The following CRAMP1 variants were observed in gnomAD, a reference collection of about 807,000 sequenced individuals.
CRAMP1 encodes cramped chromatin regulator 1.
Under a neutral mutation model 115.4 loss-of-function variants are expected in CRAMP1, and 50 were observed. The observed-to-expected ratio is 0.43, with a 90% confidence interval of 0.35 to 0.55. The LOEUF is 0.55. Among genes scored for constraint, CRAMP1 ranks in the 20% least tolerant of loss-of-function variants. CRAMP1 has a pLI of 0.01. For synonymous variants in CRAMP1, 866 were observed against 745.4 expected, an observed-to-expected ratio of 1.16 and a Z score of -2.64; for missense variants, 1,679 against 1,721.7, an observed-to-expected ratio of 0.98 and a Z score of 0.44.
At chr16:1,655,011 C>T (rs1045355936) in intron 8 of CRAMP1, among the ~76,000 whole-genome samples, 3 of 152,246 alleles carry the variant, frequency 2.0e-5, no homozygotes, top group African/African-American at 7.2e-5. Flanking sequence ...TTTTCTTTAG[C>T]TCTGTGTGAA....
intron 1 of CRAMP1, among the ~76,000 whole-genome samples, chr16:1,613,167 G>T (rs1567443532): frequency 6.6e-6 from 1 of 152,160 alleles, no homozygotes; most frequent in Non-Finnish European, 1.5e-5. Flanking sequence ...GGTTGAGGGG[G>T]AAGAGTGGGA....
intron 8 of CRAMP1, among the ~76,000 whole-genome samples, chr16:1,654,520 C>T (rs889537768): frequency 1.3e-5 from 2 of 152,184 alleles, no homozygotes; most frequent in African/African-American, 4.8e-5. Flanking sequence ...TGAACTTAGC[C>T]ATTTCTAAGT....
intron 2 of CRAMP1, among the ~76,000 whole-genome samples, chr16:1,617,405 T>G (rs986743442): frequency 6.6e-5 from 10 of 152,226 alleles, no homozygotes; most frequent in African/African-American, 2.4e-4. Context: ...GAAGGCCAGG[T>G]GGTGGCAGTT....
chr16:1,650,335 G>A (rs368611407), intron 6 of CRAMP1, among the ~76,000 whole-genome samples: 225 of 152,324 alleles, frequency 1.5e-3, no homozygotes, highest in African/African-American at 5.1e-3. Context: ...CAGCCAAACT[G>A]CGGGAGTCAT....
intron 18 of CRAMP1, 31 bp from the exon 19 acceptor site, chr16:1,668,970 G>C (rs1173977199): frequency 6.2e-6 from 10 of 1,611,532 alleles, no homozygotes; most frequent in Admixed American, 1.7e-5. Flanking sequence ...CCCGCAACAA[G>C]GCGTTTCTGA....
In CRAMP1 at chr16:1,666,298, C is replaced by CT; in HGVS notation, c.2857+121_2857+122insT. The CT allele has an allele frequency of 1.7e-6, 2 of 1,185,868 alleles. No homozygotes were observed. Among genetic ancestry groups the CT allele is most frequent in the East Asian group, 5.1e-5 (2 of 38,996 alleles). The allele number at this position is 1,185,868 out of a possible 1,614,324, so 73.5% of individuals were successfully genotyped here. ...ATGTCTCATTACCCTTCACCAAGAA[C>CT]ATCTAAGCCCTTGGCTCTTGCATTG... On this transcript the variant is annotated intron_variant, in intron 15 of 20. Transcript: ENST00000397412. This position sits in a 1 kb window ranked among gnomAD's most constrained non-coding sequence, Gnocchi z 5.0.
At chr16:1,654,786 G>C (rs549819177) in intron 8 of CRAMP1, among the ~76,000 whole-genome samples, 1 of 152,218 alleles carries the variant, frequency 6.6e-6, no homozygotes, top group Non-Finnish European at 1.5e-5. Flanking sequence ...TTCACTGGGC[G>C]TGATGCTTTT....
chr16:1,614,724 GA>G lies in CRAMP1; in HGVS notation c.87del (p.Gly30GlufsTer117). On this transcript the variant is annotated frameshift_variant, in exon 2 of 21. Coordinates refer to ENST00000397412, the MANE Select transcript of CRAMP1 (RefSeq NM_020825.4). LOFTEE classifies it high-confidence loss of function. This position sits in a 1 kb window ranked among gnomAD's most constrained non-coding sequence, Gnocchi z 4.4. The stretch of plus-strand genomic sequence containing the variant: ...GCGGGCGGCCGATGAGGAGTCCCTG[GA>G]AGGAGAAGGGGCCGGCGGCGCAGAC... ...GKRAADEESL[E>X]GEGAGGADAA... The G allele has an allele frequency of 7.3e-7, 1 of 1,362,690 alleles. No homozygotes were observed. The highest frequency in any genetic ancestry group is 9.6e-7 in the Non-Finnish European group (1 of 1,046,952). 84.4% of individuals were successfully genotyped at this position (1,362,690 alleles called of 1,614,324 possible).
chr16:1,637,723 G>C, intron 4 of CRAMP1, 101 bp from the exon 5 acceptor site: 2 of 499,412 alleles, frequency 4.0e-6, no homozygotes, highest in Non-Finnish European at 7.1e-6. Flanking sequence ...GTACAGGGAG[G>C]AGATCCAAGA....
intron 12 of CRAMP1, 37 bp from the exon 13 acceptor site, chr16:1,662,724 A>C: frequency 1.2e-6 from 2 of 1,613,588 alleles, no homozygotes; most frequent in Non-Finnish European, 1.7e-6. Context: ...TGGTCTGGAG[A>C]GTGCACCTTC....
chr16:1,646,539 A>C (rs946994671), intron 6 of CRAMP1, among the ~76,000 whole-genome samples: 11 of 151,850 alleles, frequency 7.2e-5, no homozygotes, highest in Non-Finnish European at 1.5e-4. Context: ...GAGTTTAGAG[A>C]ATTCTTTGTA....
chr16:1,628,177 T>A (rs2036521641), intron 3 of CRAMP1, among the ~76,000 whole-genome samples: 1 of 152,260 alleles, frequency 6.6e-6, no homozygotes, highest in Admixed American at 6.5e-5. Flanking sequence ...GCTGTTCTGA[T>A]CATGTAATGC....
chr16:1,619,845 C>T (rs749596314), intron 2 of CRAMP1, among the ~76,000 whole-genome samples: 2 of 152,148 alleles, frequency 1.3e-5, no homozygotes, highest in African/African-American at 2.4e-5. Flanking sequence ...AGCTTCAGAA[C>T]CTGGAAGAGG....
intron 3 of CRAMP1, among the ~76,000 whole-genome samples, chr16:1,628,224 T>C (rs1335226722): frequency 2.6e-5 from 4 of 152,220 alleles, no homozygotes; most frequent in Admixed American, 1.3e-4. Flanking sequence ...AGTTTGTATA[T>C]GAGAAAGAGC....
intron 4 of CRAMP1, among the ~76,000 whole-genome samples, chr16:1,637,122 G>A (rs2036595414): frequency 6.6e-6 from 1 of 152,108 alleles, no homozygotes; most frequent in African/African-American, 2.4e-5. Context: ...GTGAAACCCT[G>A]TCTCTACTAA....
rs2036983252 is a variant in CRAMP1 at position 1,677,809 on chromosome 16, GTTAT to G, written c.*3768_*3771del. On this transcript the variant is annotated 3_prime_UTR_variant, in exon 21 of 21. Transcript: ENST00000397412. Reference sequence around the variant, plus strand: ...AATTTTGGGAATAAAAGGTGTTTTGGTTATTTAATATAATAAGAGCTGTTAAACT... The same window carrying G: ...AATTTTGGGAATAAAAGGTGTTTTGGTTAATATAATAAGAGCTGTTAAACT... The G allele has an allele frequency of 6.5e-6, 1 of 152,976 alleles. No individual in the cohort carries two copies. The highest frequency in any genetic ancestry group is 1.5e-5 in the Non-Finnish European group (1 of 68,310). 9.5% of individuals were successfully genotyped at this position (152,976 alleles called of 1,614,324 possible).
At position 1,671,617 on chromosome 16, in the gene CRAMP1, G is replaced by A. The variant is rs151011991; in HGVS notation, c.3645+808G>A. Among the ~76,000 whole-genome samples, 61 of 152,242 alleles carry A rather than the reference G, an allele frequency of 4.0e-4. 1 individual carries two copies. The highest frequency in any genetic ancestry group is 1.3e-3 in the African/African-American group (56 of 41,558). ...CCAGGTCCAGGAGATCATCCGCATG[G>A]GCTTAGCCCATGTGAAAGTCCTGGA... On this transcript the variant is annotated intron_variant, in intron 20 of 20. Transcript: ENST00000397412. This position sits in a 1 kb window ranked among gnomAD's most constrained non-coding sequence, Gnocchi z 5.0.
chr16:1,664,616 T>A (rs1038013412), intron 13 of CRAMP1, among the ~76,000 whole-genome samples: 15 of 152,012 alleles, frequency 9.9e-5, no homozygotes, highest in South Asian at 4.2e-4. Context: ...CCGTCTCTAC[T>A]AAAAATACAA....
intron 11 of CRAMP1, 157 bp from the exon 12 acceptor site, chr16:1,662,333 C>G: frequency 1.6e-6 from 1 of 627,460 alleles, no homozygotes; most frequent in Middle Eastern, 2.8e-4. Flanking sequence ...GAAAATCAGT[C>G]TTTATGTGGG....
Sources: gnomAD v4.1 joint callset for allele counts (sites outside exome capture counted in the v4.1 genomes callset) on GRCh38, gnomAD v4.1.1 for gene constraint, Gnocchi (gnomAD v3.1) non-coding constraint, MANE v1.5 for transcripts, NCBI Gene and HGNC (gene_info 2026-07-23, HGNC 2026-07-21) for gene names.